The following ADAM22 variants were observed in gnomAD, a reference collection of about 807,000 sequenced individuals.
The protein encoded by ADAM22 is disintegrin and metalloproteinase domain-containing protein 22.
ADAM22 carries 65 observed loss-of-function variants against 144.6 expected under a neutral mutation model. That is an observed-to-expected ratio of 0.45 (90% CI 0.37 to 0.55). The LOEUF (loss-of-function observed/expected upper bound fraction) is 0.55, where lower values mean the gene tolerates loss of function less well. ADAM22 is among the 20% of genes least tolerant of loss of function. The pLI is 0.00. For synonymous variants in ADAM22, 391 were observed against 412.6 expected, an observed-to-expected ratio of 0.95 and a Z score of 0.63; for missense variants, 974 against 1,184.9, an observed-to-expected ratio of 0.82 and a Z score of 2.61.
intron 3 of ADAM22, among the ~76,000 whole-genome samples, chr7:87,984,117 CTT>C (rs1220633788): frequency 6.6e-6 from 1 of 152,206 alleles, no homozygotes; most frequent in Non-Finnish European, 1.5e-5. Flanking sequence ...TATTTTTTAT[CTT>C]AATTATTATG....
chr7:87,948,299 G>T (rs1844209333), intron 2 of ADAM22, among the ~76,000 whole-genome samples: 1 of 152,094 alleles, frequency 6.6e-6, no homozygotes, highest in Non-Finnish European at 1.5e-5. Context: ...ACTTATTTTG[G>T]GATTTAGAAA....
At chr7:88,058,822 A>G (rs531362302) in intron 3 of ADAM22, among the ~76,000 whole-genome samples, 3 of 152,364 alleles carry the variant, frequency 2.0e-5, no homozygotes, top group South Asian at 2.1e-4. Context: ...ATTTTAATCA[A>G]TGGAATATAG....
chr7:88,190,100 G>T (rs971923554), intron 30 of ADAM22, among the ~76,000 whole-genome samples: 1 of 152,192 alleles, frequency 6.6e-6, no homozygotes. Context: ...AACTGAGGTT[G>T]GCCTTACAGG....
At chr7:88,072,318 T>A (rs1405611041) in intron 3 of ADAM22, among the ~76,000 whole-genome samples, 1 of 152,212 alleles carries the variant, frequency 6.6e-6, no homozygotes, top group African/African-American at 2.4e-5. Flanking sequence ...AATGCCTAGA[T>A]TTTATAATTC....
intron 2 of ADAM22, among the ~76,000 whole-genome samples, chr7:87,953,095 G>C (rs10952903): frequency 0.012 from 1,784 of 151,402 alleles, 17 homozygotes; most frequent in Non-Finnish European, 0.017. Context: ...ACCAGCTCCT[G>C]GCTTCATTAA....
intron 4 of ADAM22, among the ~76,000 whole-genome samples, chr7:88,086,249 AAG>A (rs1296025962): frequency 1.3e-5 from 2 of 152,208 alleles, no homozygotes; most frequent in Non-Finnish European, 2.9e-5. Context: ...TTATTTGTTG[AAG>A]AAACCAGATT....
intron 3 of ADAM22, among the ~76,000 whole-genome samples, chr7:88,045,616 G>C (rs1430064813): frequency 6.6e-6 from 1 of 152,106 alleles, no homozygotes; most frequent in Non-Finnish European, 1.5e-5. Flanking sequence ...GTGTGCAATA[G>C]ATCTCCAGAA....
At chr7:88,163,458 A>C (rs1212622287) in intron 23 of ADAM22, among the ~76,000 whole-genome samples, 1 of 152,074 alleles carries the variant, frequency 6.6e-6, no homozygotes, top group African/African-American at 2.4e-5. Context: ...ACTTTTTACA[A>C]GTGAACTAGG....
At chr7:88,084,660 T>C (rs1360469127) in intron 4 of ADAM22, among the ~76,000 whole-genome samples, 2 of 152,234 alleles carry the variant, frequency 1.3e-5, no homozygotes, top group South Asian at 4.1e-4. Context: ...TCTTTATTAA[T>C]GACTCATTAA....
chr7:88,082,994 A>G (rs1266939949), intron 4 of ADAM22, among the ~76,000 whole-genome samples: 2 of 152,316 alleles, frequency 1.3e-5, no homozygotes, highest in Non-Finnish European at 2.9e-5. Flanking sequence ...GTGGGTATAT[A>G]CCCAAAGGAT....
chr7:87,955,593 TGAG>T (rs1013810608), intron 2 of ADAM22, among the ~76,000 whole-genome samples: 42 of 152,312 alleles, frequency 2.8e-4, no homozygotes, highest in African/African-American at 3.8e-4. Context: ...GAGTCACACT[TGAG>T]GAGGCAGTCT....
chr7:88,088,741 G>A (rs1049627810), intron 4 of ADAM22, among the ~76,000 whole-genome samples: 1 of 152,080 alleles, frequency 6.6e-6, no homozygotes. Context: ...TGAATAACTC[G>A]AAAGGTACAC....
At chr7:88,110,604 G>A (rs377484491) in intron 5 of ADAM22, among the ~76,000 whole-genome samples, 1 of 151,380 alleles carries the variant, frequency 6.6e-6, no homozygotes, top group East Asian at 2.0e-4. Flanking sequence ...GCTCACCCCT[G>A]TAATCCCAGG....
chr7:87,973,844 A>G (rs1474405625), intron 2 of ADAM22, among the ~76,000 whole-genome samples: 2 of 152,246 alleles, frequency 1.3e-5, no homozygotes, highest in East Asian at 3.9e-4. Context: ...GAGGACAAAA[A>G]ACCAAACACC....
chr7:88,165,741 C>A, intron 23 of ADAM22, 91 bp from the exon 24 acceptor site: 1 of 829,784 alleles, frequency 1.2e-6, no homozygotes, highest in Non-Finnish European at 1.8e-6. Context: ...TTACCACATT[C>A]TAAGCATATA....
chr7:88,134,483 G>A, intron 13 of ADAM22, 64 bp downstream of exon 13: 1 of 1,321,330 alleles, frequency 7.6e-7, no homozygotes, highest in South Asian at 1.4e-5. Context: ...ATATTTTGGA[G>A]AGTAAAATTT....
chr7:88,048,886 G>A (rs1170948460), intron 3 of ADAM22, among the ~76,000 whole-genome samples: 1 of 151,972 alleles, frequency 6.6e-6, no homozygotes, highest in African/African-American at 2.4e-5. Context: ...ACTGAGTTTA[G>A]TGTGTTTTGT....
At chr7:88,096,954 G>T (rs2129485903) in intron 4 of ADAM22, among the ~76,000 whole-genome samples, 1 of 152,166 alleles carries the variant, frequency 6.6e-6, no homozygotes, top group East Asian at 1.9e-4. Context: ...GAAGGATATT[G>T]TTTGAGACCT....
chr7:88,093,186 T>A (rs1377163973), intron 4 of ADAM22, among the ~76,000 whole-genome samples: 1 of 152,134 alleles, frequency 6.6e-6, no homozygotes, highest in Admixed American at 6.5e-5. Flanking sequence ...CCAAATCTAC[T>A]CTTGCAATTT....
Sources: allele counts gnomAD v4.1 joint callset (sites outside exome capture counted in the v4.1 genomes callset), GRCh38; gene constraint gnomAD v4.1.1; transcripts MANE v1.5; gene names NCBI Gene and HGNC (gene_info 2026-07-23, HGNC 2026-07-21).